SUPT3H: variants seen among roughly 807,000 people sequenced by gnomAD.
SUPT3H encodes the protein SPT3 homolog, SAGA and STAGA complex component.
A neutral mutation model predicts 44.3 loss-of-function variants in SUPT3H; 44 were observed. The ratio of observed to expected loss-of-function variants is 0.99; its 90% CI spans 0.78 to 1.28. The LOEUF is 1.28. SUPT3H is among the 50% of genes most tolerant of loss of function. The pLI is 0.00. For missense variants in SUPT3H, 380 were observed against 387.1 expected (o/e 0.98, Z 0.15); for synonymous variants, 124 against 125.6 (o/e 0.99, Z 0.09).
At chr6:44,823,101 C>T (rs1221627538), downstream of SUPT3H, among the ~76,000 whole-genome samples, 2 of 113,170 alleles carry the variant, frequency 1.8e-5, no homozygotes, top group Non-Finnish European at 3.6e-5. Flanking sequence ...GACTCCGTTT[C>T]AAAAAAAAAA....
At chr6:44,813,574 AG>A (rs1007929063) in intron 11 of SUPT3H, among the ~76,000 whole-genome samples, 2 of 106,450 alleles carry the variant, frequency 1.9e-5, no homozygotes, top group African/African-American at 7.7e-5. Context: ...GAAAACCAAG[AG>A]GAAAAAAAAA....
chr6:45,146,465 T>C (rs1339858293), intron 2 of SUPT3H, among the ~76,000 whole-genome samples: 1 of 152,030 alleles, frequency 6.6e-6, no homozygotes, highest in African/African-American at 2.4e-5. Flanking sequence ...TAAAAGAGTA[T>C]ACACTGGGTA....
At chr6:45,295,562 G>A (rs1237033263) in intron 2 of SUPT3H, among the ~76,000 whole-genome samples, 7 of 119,008 alleles carry the variant, frequency 5.9e-5, no homozygotes, top group Admixed American at 1.9e-4. Context: ...AAACAGCAGA[G>A]TCAACAGACA....
chr6:45,155,053 C>T (rs532840452), intron 2 of SUPT3H, among the ~76,000 whole-genome samples: 1 of 152,174 alleles, frequency 6.6e-6, no homozygotes, highest in African/African-American at 2.4e-5. Flanking sequence ...AATGGCACAA[C>T]AAAATTAGTG....
intron 2 of SUPT3H, among the ~76,000 whole-genome samples, chr6:45,318,434 A>G (rs1176821117): frequency 6.6e-6 from 1 of 152,156 alleles, no homozygotes; most frequent in East Asian, 1.9e-4. Flanking sequence ...TAATGTATCA[A>G]TATTGGTTCA....
chr6:45,020,806 C>T (rs570342909), intron 3 of SUPT3H, among the ~76,000 whole-genome samples, 174 bp from the exon 4 acceptor site: 1 of 152,000 alleles, frequency 6.6e-6, no homozygotes, highest in South Asian at 2.1e-4. Context: ...AGATATAAAA[C>T]ATGCAATTAA....
At chr6:44,917,520 C>T (rs1215561826) in intron 10 of SUPT3H, among the ~76,000 whole-genome samples, 2 of 152,230 alleles carry the variant, frequency 1.3e-5, no homozygotes, top group Admixed American at 6.5e-5. Flanking sequence ...ACATATGCTG[C>T]GTCTCTGAAC....
At chr6:45,259,191 C>T (rs1261972923) in intron 2 of SUPT3H, among the ~76,000 whole-genome samples, 3 of 151,980 alleles carry the variant, frequency 2.0e-5, no homozygotes, top group East Asian at 3.9e-4. Context: ...TCAGATCTTC[C>T]AATTGCGCAC....
intron 2 of SUPT3H, among the ~76,000 whole-genome samples, chr6:45,154,133 T>C (rs1807428412): frequency 7.5e-6 from 1 of 133,404 alleles, no homozygotes; most frequent in African/African-American, 2.8e-5. Flanking sequence ...ATAAAGAAAA[T>C]CCCAAAGGTC....
chr6:45,138,427 T>A (rs1426136008), intron 2 of SUPT3H, among the ~76,000 whole-genome samples: 4 of 152,070 alleles, frequency 2.6e-5, no homozygotes, highest in African/African-American at 9.7e-5. Context: ...ACATTACTCA[T>A]AAGGCAGAAA....
At chr6:44,937,305 A>G (rs1181495358) in intron 9 of SUPT3H, among the ~76,000 whole-genome samples, 1 of 152,058 alleles carries the variant, frequency 6.6e-6, no homozygotes, top group African/African-American at 2.4e-5. Flanking sequence ...CAGCCTGGCC[A>G]ACATGGTGAA....
At chr6:44,968,764 C>T (rs1348700619) in intron 6 of SUPT3H, among the ~76,000 whole-genome samples, 1 of 152,054 alleles carries the variant, frequency 6.6e-6, no homozygotes, top group East Asian at 1.9e-4. Flanking sequence ...TGTCCTGTGT[C>T]CCCACATCAC....
At position 44,828,051 on chromosome 6, in the gene SUPT3H, T is replaced by A. The variant is rs980907680; in HGVS notation, c.*1765A>T. Among the ~76,000 whole-genome samples the A allele has an allele frequency of 6.6e-6, 1 of 152,142 alleles. No homozygotes were observed. Among genetic ancestry groups the A allele is most frequent in the Non-Finnish European group, 1.5e-5 (1 of 67,976 alleles). ...AAAAAAACCCAAACCCTATATTTTC[T>A]GCCTTGTGCATACTTTAAAATGTAT... On this transcript the variant is annotated 3_prime_UTR_variant, in exon 11 of 11. Transcript: ENST00000371459.
chr6:45,031,310 T>C (rs905044608), intron 3 of SUPT3H, among the ~76,000 whole-genome samples: 2 of 152,194 alleles, frequency 1.3e-5, no homozygotes, highest in African/African-American at 4.8e-5. Flanking sequence ...TGGATAAATG[T>C]ATTTGTATAT....
intron 2 of SUPT3H, among the ~76,000 whole-genome samples, chr6:45,176,425 C>A (rs890648857): frequency 2.8e-4 from 42 of 152,246 alleles, no homozygotes; most frequent in African/African-American, 9.6e-4. Context: ...GAGGGTCCTA[C>A]GCCCACGGAG....
chr6:45,228,345 CCT>C (rs920883689), intron 2 of SUPT3H, among the ~76,000 whole-genome samples: 6 of 152,086 alleles, frequency 3.9e-5, no homozygotes, highest in African/African-American at 1.4e-4. Flanking sequence ...CAGTTGAAGG[CCT>C]TAATAGAGCA....
intron 2 of SUPT3H, among the ~76,000 whole-genome samples, chr6:45,358,714 TAA>T (rs2150235367): frequency 6.6e-6 from 1 of 152,290 alleles, no homozygotes; most frequent in African/African-American, 2.4e-5. Context: ...TTGCAGAATA[TAA>T]AGTTTTCAGA....
intron 6 of SUPT3H, among the ~76,000 whole-genome samples, chr6:44,987,841 G>A (rs767925767): frequency 6.6e-6 from 1 of 152,098 alleles, no homozygotes; most frequent in Non-Finnish European, 1.5e-5. Context: ...TCTGGAGAAT[G>A]AGTGAACTAG....
intron 10 of SUPT3H, among the ~76,000 whole-genome samples, chr6:44,866,041 T>C (rs1379405612): frequency 6.7e-6 from 1 of 149,672 alleles, no homozygotes. Flanking sequence ...CTAAGAGAGA[T>C]AACAGGAATT....
Sources: gnomAD v4.1 joint callset for allele counts (sites outside exome capture counted in the v4.1 genomes callset) on GRCh38, gnomAD v4.1.1 for gene constraint, MANE v1.5 for transcripts, NCBI Gene and HGNC (gene_info 2026-07-23, HGNC 2026-07-21) for gene names.